FSTL5: variants seen among roughly 807,000 people sequenced by gnomAD.
FSTL5 encodes the protein follistatin like 5, also known as follistatin-related protein 5.
FSTL5 carries 62 observed loss-of-function variants against 89.1 expected under a neutral mutation model. That is an observed-to-expected ratio of 0.70 (90% CI 0.57 to 0.86). FSTL5 has a LOEUF of 0.86. Ranked by LOEUF, FSTL5 falls within the 40% of genes least tolerant of loss-of-function variation. The probability of loss-of-function intolerance (pLI) is 0.00; values close to 1 mark genes in which losing one functional copy is unlikely to be tolerated. For missense variants in FSTL5, 1,057 were observed against 1,001.6 expected, an observed-to-expected ratio of 1.06 and a Z score of -0.75; for synonymous variants, 383 against 346.2, an observed-to-expected ratio of 1.11 and a Z score of -1.18.
At chr4:161,891,594 T>C (rs1024977894) in intron 4 of FSTL5, among the ~76,000 whole-genome samples, 1 of 152,144 alleles carries the variant, frequency 6.6e-6, no homozygotes. Flanking sequence ...CATTTACTAA[T>C]GTAAAGTTAG....
intron 2 of FSTL5, among the ~76,000 whole-genome samples, chr4:162,050,353 A>C (rs1473666096): frequency 6.6e-6 from 1 of 151,390 alleles, no homozygotes; most frequent in East Asian, 1.9e-4. Context: ...TGACAACTGA[A>C]TATTTTAAAA....
At chr4:161,500,732 A>C (rs1239035946) in intron 11 of FSTL5, among the ~76,000 whole-genome samples, 1 of 152,188 alleles carries the variant, frequency 6.6e-6, no homozygotes, top group Non-Finnish European at 1.5e-5. Flanking sequence ...AAATTAAGGT[A>C]TCTGAAAAAT....
rs148946247 is a variant in FSTL5 at position 161,394,493 on chromosome 4, T to A, written c.1842-8044A>T. ...GGTTTCACCATGTTAGCCAGGATGGTCTAGATCCCCTGACCTCGTGATCTG... is the reference window on the plus strand; with the variant it reads ...GGTTTCACCATGTTAGCCAGGATGGACTAGATCCCCTGACCTCGTGATCTG... On this transcript the variant is annotated intron_variant, in intron 15 of 15. Transcript: ENST00000306100. Among the ~76,000 whole-genome samples the A allele has an allele frequency of 3.6e-3, 551 of 152,222 alleles. 13 individuals are homozygous for A. In the East Asian group the frequency reaches 0.054, roughly 15 times the overall value.
At chr4:161,619,694 T>C (rs567448039) in intron 7 of FSTL5, among the ~76,000 whole-genome samples, 1 of 151,910 alleles carries the variant, frequency 6.6e-6, no homozygotes, top group Non-Finnish European at 1.5e-5. Context: ...AAACAACAGG[T>C]GCTGGAGAGG....
chr4:161,851,439 T>A (rs1731545910), intron 4 of FSTL5, among the ~76,000 whole-genome samples: 1 of 152,180 alleles, frequency 6.6e-6, no homozygotes. Context: ...CAGGTGCACA[T>A]AATCATACAA....
chr4:161,602,414 T>C (rs1361249033), intron 7 of FSTL5, among the ~76,000 whole-genome samples: 1 of 151,710 alleles, frequency 6.6e-6, no homozygotes, highest in Non-Finnish European at 1.5e-5. Flanking sequence ...AAGGGCAAAT[T>C]AGTAGGAAAA....
At chr4:161,464,990 T>C (rs1162666024) in intron 13 of FSTL5, among the ~76,000 whole-genome samples, 1 of 152,162 alleles carries the variant, frequency 6.6e-6, no homozygotes, top group African/African-American at 2.4e-5. Context: ...AAGTATGCAC[T>C]ATTGTCATCT....
chr4:162,100,129 G>C (rs1730930994), intron 2 of FSTL5, among the ~76,000 whole-genome samples: 1 of 152,186 alleles, frequency 6.6e-6, no homozygotes, highest in South Asian at 2.1e-4. Flanking sequence ...GATGTTTATA[G>C]CAGTTTTATT....
chr4:161,559,366 C>G (rs907782741), intron 8 of FSTL5, among the ~76,000 whole-genome samples: 2 of 151,508 alleles, frequency 1.3e-5, no homozygotes, highest in Non-Finnish European at 2.9e-5. Flanking sequence ...TTGCTTTCTC[C>G]TTCTATTTCT....
At chr4:161,770,072 G>A (rs1301384395) in intron 5 of FSTL5, among the ~76,000 whole-genome samples, 4 of 152,002 alleles carry the variant, frequency 2.6e-5, no homozygotes, top group African/African-American at 7.2e-5. Flanking sequence ...CAACATGGAT[G>A]GAACTGGAGA....
intron 11 of FSTL5, among the ~76,000 whole-genome samples, chr4:161,504,257 C>T (rs1248350013): frequency 5.3e-5 from 8 of 151,828 alleles, no homozygotes; most frequent in Non-Finnish European, 1.2e-4. Flanking sequence ...TAGAGATACA[C>T]CTCTCCCCAA....
At chr4:161,999,539 A>C (rs1310612784) in intron 3 of FSTL5, among the ~76,000 whole-genome samples, 1 of 152,192 alleles carries the variant, frequency 6.6e-6, no homozygotes, top group Admixed American at 6.5e-5. Flanking sequence ...ATGTATAATA[A>C]ACACTTCATG....
intron 6 of FSTL5, among the ~76,000 whole-genome samples, chr4:161,726,145 A>G (rs534551676): frequency 6.6e-6 from 1 of 152,106 alleles, no homozygotes; most frequent in East Asian, 1.9e-4. Flanking sequence ...ACAAAAAACT[A>G]TATTATAACA....
At chr4:162,023,752 AG>A (rs1331477646) in intron 3 of FSTL5, among the ~76,000 whole-genome samples, 2 of 152,174 alleles carry the variant, frequency 1.3e-5, no homozygotes, top group African/African-American at 4.8e-5. Context: ...TAGCTTTTAA[AG>A]GTCCATCATA....
At chr4:161,667,413 T>C (rs977606505) in intron 6 of FSTL5, among the ~76,000 whole-genome samples, 1 of 152,088 alleles carries the variant, frequency 6.6e-6, no homozygotes, top group Non-Finnish European at 1.5e-5. Context: ...ATATTAACTG[T>C]ATGACTTTGA....
At chr4:161,665,976 T>C (rs142626807) in intron 6 of FSTL5, among the ~76,000 whole-genome samples, 13 of 152,060 alleles carry the variant, frequency 8.5e-5, no homozygotes, top group African/African-American at 2.9e-4. Context: ...TAAAATAATA[T>C]TTCCATAACA....
rs547894912 is a variant in FSTL5 at position 161,721,999 on chromosome 4, A to G, written c.727+37412T>C. 1.1e-4 allele frequency among the ~76,000 whole-genome samples: 17 copies of G among 152,268 alleles called. No homozygotes were observed. In the East Asian group the frequency reaches 3.1e-3, roughly 28 times the overall value. On this transcript the variant is annotated intron_variant, in intron 6 of 15. Coordinates refer to ENST00000306100, the MANE Select transcript of FSTL5 (RefSeq NM_020116.5). ...CTAGTGAATTAAATTATAATTGGAGAGTGATAACATCTTCTTATACATAAT... is the reference window on the plus strand; with the variant it reads ...CTAGTGAATTAAATTATAATTGGAGGGTGATAACATCTTCTTATACATAAT...
intron 8 of FSTL5, among the ~76,000 whole-genome samples, chr4:161,544,571 C>T (rs1731945006): frequency 6.6e-6 from 1 of 151,690 alleles, no homozygotes; most frequent in South Asian, 2.1e-4. Context: ...GGTTACACAA[C>T]ATTGTAAATA....
intron 15 of FSTL5, among the ~76,000 whole-genome samples, chr4:161,400,071 T>C (rs1731134226): frequency 6.6e-6 from 1 of 152,154 alleles, no homozygotes; most frequent in African/African-American, 2.4e-5. Context: ...ACAACTTTTA[T>C]TTCATTTCTT....
Sources: allele counts gnomAD v4.1 joint callset (sites outside exome capture counted in the v4.1 genomes callset), GRCh38; gene constraint gnomAD v4.1.1; transcripts MANE v1.5; gene names NCBI Gene and HGNC (gene_info 2026-07-23, HGNC 2026-07-21).